Variants in AAK1 observed in about 807,000 individuals in gnomAD.
AAK1 encodes AP2-associated protein kinase 1.
AAK1 carries 37 observed loss-of-function variants against 116.0 expected under a neutral mutation model. The ratio of observed to expected loss-of-function variants is 0.32; its 90% CI spans 0.25 to 0.42. The LOEUF (loss-of-function observed/expected upper bound fraction) is 0.42, where lower values mean the gene tolerates loss of function less well. Ranked by LOEUF, AAK1 falls within the 10% of genes least tolerant of loss-of-function variation. The pLI is 1.00. For missense variants in AAK1, 919 were observed against 1,170.6 expected (o/e 0.79, Z 3.14); for synonymous variants, 458 against 439.9 (o/e 1.04, Z -0.51).
rs1464575466 is a variant in AAK1 at position 69,460,685 on chromosome 2, G to T, written c.*15184C>A. The T allele has an allele frequency of 3.9e-5, 6 of 152,176 alleles. No homozygotes were observed. The highest frequency in any genetic ancestry group is 7.3e-5 in the Non-Finnish European group (5 of 68,032). The allele number at this position is 152,176 out of a possible 1,614,324, so 9.4% of individuals were successfully genotyped here. The stretch of plus-strand genomic sequence containing the variant: ...AAAACAATATAGGGCGTATGACCTA[G>T]ACTCCCTGGGTGCTGCTCAGCAGCT... On this transcript the variant is annotated 3_prime_UTR_variant, in exon 22 of 22. Coordinates refer to ENST00000409085, the MANE Select transcript of AAK1 (RefSeq NM_014911.5).
chr2:69,583,256 A>G (rs890305838), intron 2 of AAK1, among the ~76,000 whole-genome samples: 2 of 152,236 alleles, frequency 1.3e-5, no homozygotes, highest in Non-Finnish European at 2.9e-5. Context: ...ATAACCTCCG[A>G]AATTCTATAC....
chr2:69,476,641 T>C lies in AAK1; in HGVS notation c.2791+239A>G, dbSNP rs540683298. On this transcript the variant is annotated intron_variant, in intron 21 of 21. Coordinates refer to ENST00000409085, the MANE Select transcript of AAK1 (RefSeq NM_014911.5). ...AAAGATCATTTTGCTTTTGGCTTCA[T>C]GGTAAAAACTAACTTTTGGCCAACT... 7.4e-4 allele frequency among the ~76,000 whole-genome samples: 113 copies of C among 152,328 alleles called. 1 individual carries two copies. The highest frequency in any genetic ancestry group is 2.6e-3 in the African/African-American group (109 of 41,570).
intron 2 of AAK1, among the ~76,000 whole-genome samples, chr2:69,603,353 G>C (rs1004713407): frequency 6.6e-6 from 1 of 152,102 alleles, no homozygotes; most frequent in Non-Finnish European, 1.5e-5. Context: ...GGTAGATCAC[G>C]AGCCAGCACG....
intron 2 of AAK1, among the ~76,000 whole-genome samples, chr2:69,624,701 AG>A (rs1553422705): frequency 1.3e-5 from 2 of 152,236 alleles, no homozygotes; most frequent in Non-Finnish European, 2.9e-5. Context: ...CATTGCTTCA[AG>A]TTTCCTAGTC....
intron 2 of AAK1, among the ~76,000 whole-genome samples, chr2:69,576,222 AAATATAC>A (rs1572972386): frequency 6.6e-6 from 1 of 152,248 alleles, no homozygotes; most frequent in East Asian, 1.9e-4. Flanking sequence ...TCCATTAAGA[AAATATAC>A]AATATACAAT....
rs997718961 is a variant in AAK1, at chr2:69,475,787, A to G, written c.*82T>C. 5.3e-5 allele frequency: 79 copies of G among 1,504,054 alleles called. No homozygotes were observed. Among genetic ancestry groups the G allele is most frequent in the Non-Finnish European group, 7.0e-5 (78 of 1,115,984 alleles). The allele number at this position is 1,504,054 out of a possible 1,614,324, so 93.2% of individuals were successfully genotyped here. A position where few individuals can be genotyped will look rare whatever the true frequency, so the allele number is the denominator to read the frequency against. ...CCTTATTTGCAGATTTTTTTAAAAA[A>G]ATCATTTTTTTCATAACTCCGTAAT... On this transcript the variant is annotated 3_prime_UTR_variant, in exon 22 of 22. Transcript: ENST00000409085.
chr2:69,626,496 A>C (rs1674903951), intron 2 of AAK1, among the ~76,000 whole-genome samples: 1 of 143,190 alleles, frequency 7.0e-6, no homozygotes, highest in South Asian at 2.2e-4. Flanking sequence ...TTAATTAATT[A>C]TTATTATTAT....
At chr2:69,519,569 C>G (rs1218482647) in intron 11 of AAK1, among the ~76,000 whole-genome samples, 1 of 152,218 alleles carries the variant, frequency 6.6e-6, no homozygotes, top group African/African-American at 2.4e-5. Context: ...TACATATGCA[C>G]AAGCTTTGCC....
At chr2:69,636,135 C>T (rs1675435217) in intron 2 of AAK1, among the ~76,000 whole-genome samples, 1 of 151,992 alleles carries the variant, frequency 6.6e-6, no homozygotes, top group East Asian at 1.9e-4. Context: ...AATGGATTCA[C>T]TGATTACATT....
At chr2:69,544,959 A>AGG (rs770517885) in intron 3 of AAK1, among the ~76,000 whole-genome samples, 2 of 152,118 alleles carry the variant, frequency 1.3e-5, no homozygotes, top group Non-Finnish European at 2.9e-5. Flanking sequence ...TCCTGGTTGT[A>AGG]GGGGCAAAAA....
At chr2:69,565,957 AG>A in intron 2 of AAK1, among the ~76,000 whole-genome samples, 1 of 151,728 alleles carries the variant, frequency 6.6e-6, no homozygotes, top group East Asian at 1.9e-4. Flanking sequence ...CTCCACAGTG[AG>A]AGTTCGGGTA....
chr2:69,469,371 A>C lies in AAK1; in HGVS notation c.*6498T>G, dbSNP rs889021354. 2.0e-6 allele frequency: 2 copies of C among 985,340 alleles called. No homozygotes were observed. The highest frequency in any genetic ancestry group is 3.5e-5 in the African/African-American group (2 of 57,244). The allele number at this position is 985,340 out of a possible 1,614,324, so 61.0% of individuals were successfully genotyped here. A position where few individuals can be genotyped will look rare whatever the true frequency, so the allele number is the denominator to read the frequency against. The stretch of plus-strand genomic sequence containing the variant: ...ACTAGAAACAGAAGGTAACCATTAA[A>C]TCTTGTTGGCAGATAAAAGTCTTTT... On this transcript the variant is annotated 3_prime_UTR_variant, in exon 22 of 22. Transcript: ENST00000409085.
chr2:69,489,430 G>A (rs923169737), intron 17 of AAK1, among the ~76,000 whole-genome samples: 2 of 139,054 alleles, frequency 1.4e-5, no homozygotes, highest in African/African-American at 2.7e-5. Context: ...CAGACTGGGC[G>A]ACAGAGCGAG....
chr2:69,635,505 T>C (rs948825256), intron 2 of AAK1, among the ~76,000 whole-genome samples: 2 of 152,246 alleles, frequency 1.3e-5, no homozygotes, highest in Admixed American at 1.3e-4. Flanking sequence ...TTCATAACTG[T>C]AGCAACATTA....
intron 19 of AAK1, among the ~76,000 whole-genome samples, chr2:69,479,808 T>A (rs912290095): frequency 6.6e-6 from 1 of 152,106 alleles, no homozygotes; most frequent in Non-Finnish European, 1.5e-5. Flanking sequence ...CAGGCTGGAG[T>A]GCAGTGGGAC....
intron 8 of AAK1, 44 bp from the exon 9 acceptor site, chr2:69,527,363 A>C (rs1394247542): frequency 3.1e-6 from 4 of 1,286,462 alleles, no homozygotes; most frequent in Non-Finnish European, 4.4e-6. Flanking sequence ...TCCAACAGTT[A>C]TTACACTAGC....
At chr2:69,610,714 A>C (rs1206149138) in intron 2 of AAK1, among the ~76,000 whole-genome samples, 2 of 152,258 alleles carry the variant, frequency 1.3e-5, no homozygotes, top group African/African-American at 4.8e-5. Context: ...TTCTCCAAAG[A>C]AGATATACAA....
At chr2:69,588,769 ATTAT>A (rs1398678737) in intron 2 of AAK1, among the ~76,000 whole-genome samples, 4 of 151,408 alleles carry the variant, frequency 2.6e-5, no homozygotes, top group African/African-American at 9.7e-5. Flanking sequence ...GTTCCTCTGC[ATTAT>A]TTATTTTTAT....
intron 10 of AAK1, 98 bp downstream of exon 10, chr2:69,524,935 G>C: frequency 8.3e-7 from 1 of 1,200,720 alleles, no homozygotes; most frequent in South Asian, 1.3e-5. Flanking sequence ...TGCAGCCCCT[G>C]GTCATGACAG....
Sources: allele counts gnomAD v4.1 joint callset (sites outside exome capture counted in the v4.1 genomes callset), GRCh38; gene constraint gnomAD v4.1.1; transcripts MANE v1.5; gene names NCBI Gene and HGNC (gene_info 2026-07-23, HGNC 2026-07-21).